The following CHRNA7 variants were observed in gnomAD, a reference collection of about 807,000 sequenced individuals.
CHRNA7 encodes neuronal acetylcholine receptor subunit alpha-7.
In CHRNA7, 17 loss-of-function variants were observed where a neutral mutation model predicts 48.0. That is an observed-to-expected ratio of 0.35 (90% CI 0.24 to 0.53). The LOEUF is 0.53. Among genes scored for constraint, CHRNA7 ranks in the 20% least tolerant of loss-of-function variants. The probability of loss-of-function intolerance (pLI) is 0.92; values close to 1 mark genes in which losing one functional copy is unlikely to be tolerated. For synonymous variants in CHRNA7, 75 were observed against 242.3 expected (o/e 0.31, Z 6.41); for missense variants, 155 against 577.7 (o/e 0.27, Z 7.50).
chr15:32,052,759 AAGTT>A (rs1392562505), intron 2 of CHRNA7, among the ~76,000 whole-genome samples: 7 of 152,172 alleles, frequency 4.6e-5, no homozygotes, highest in African/African-American at 1.2e-4. Context: ...TTAAATAAAA[AAGTT>A]AGATGAAAGA....
intron 4 of CHRNA7, among the ~76,000 whole-genome samples, chr15:32,122,207 T>A (rs998345410): frequency 6.6e-6 from 1 of 152,184 alleles, no homozygotes; most frequent in Non-Finnish European, 1.5e-5. Context: ...CACTACCCTG[T>A]TCCAGGAGGG....
chr15:32,129,352 G>T (rs1441530934), intron 4 of CHRNA7, among the ~76,000 whole-genome samples: 1 of 151,810 alleles, frequency 6.6e-6, no homozygotes, highest in African/African-American at 2.4e-5. Context: ...TTAAATGTTT[G>T]TTAAAATTCC....
chr15:32,148,828 A>G (rs1361828554), intron 4 of CHRNA7, among the ~76,000 whole-genome samples: 1 of 152,204 alleles, frequency 6.6e-6, no homozygotes, highest in African/African-American at 2.4e-5. Flanking sequence ...GTTCTGGCTT[A>G]TCTCCAAGTG....
At chr15:32,111,959 G>T (rs1424778171) in intron 4 of CHRNA7, 60 bp downstream of exon 4, 2 of 989,346 alleles carry the variant, frequency 2.0e-6, no homozygotes, top group Non-Finnish European at 3.3e-6. Flanking sequence ...TAGCTATCAC[G>T]TATATTTGAA....
At chr15:32,095,932 C>G (rs1361465595) in intron 2 of CHRNA7, among the ~76,000 whole-genome samples, 2 of 152,224 alleles carry the variant, frequency 1.3e-5, no homozygotes, top group East Asian at 1.9e-4. Context: ...ACCCCCTAAC[C>G]TCTTAAACAG....
At chr15:32,062,005 T>C (rs2049887015) in intron 2 of CHRNA7, among the ~76,000 whole-genome samples, 1 of 152,254 alleles carries the variant, frequency 6.6e-6, no homozygotes, top group Non-Finnish European at 1.5e-5. Context: ...TTTGGTAATA[T>C]AACTCTTGCC....
intron 5 of CHRNA7, chr15:32,156,522 G>A (rs1466123297): frequency 2.4e-5 from 1 of 41,354 alleles, no homozygotes; most frequent in African/African-American, 9.6e-5. Context: ...CCTGGACACC[G>A]AGTCTGTGCC....
At chr15:32,101,639 T>G (rs766885085) in intron 3 of CHRNA7, 1 of 330,894 alleles carries the variant, frequency 3.0e-6, no homozygotes, top group Non-Finnish European at 5.4e-6. Context: ...CAGGGCTGTG[T>G]GTAGATGTCC....
At chr15:32,136,877 A>C (rs1433021333) in intron 4 of CHRNA7, among the ~76,000 whole-genome samples, 3 of 138,748 alleles carry the variant, frequency 2.2e-5, no homozygotes, top group South Asian at 2.3e-4. Context: ...TAAAAATACA[A>C]AAAAATTAGC....
intron 3 of CHRNA7, among the ~76,000 whole-genome samples, chr15:32,108,217 A>G (rs184354500): frequency 2.0e-5 from 3 of 152,188 alleles, no homozygotes; most frequent in African/African-American, 7.2e-5. Flanking sequence ...GGATTCCCCC[A>G]GTGCCTTTTA....
chr15:32,112,039 G>A (rs977261838), intron 4 of CHRNA7, 140 bp downstream of exon 4: 75 of 672,602 alleles, frequency 1.1e-4, no homozygotes, highest in Admixed American at 1.8e-4. Flanking sequence ...CTTTCCGAGC[G>A]GCCAGGCCTT....
chr15:32,100,697 C>T (rs2050555326), intron 2 of CHRNA7: 1 of 154,482 alleles, frequency 6.5e-6, no homozygotes, highest in Non-Finnish European at 1.5e-5. Flanking sequence ...TAGTTTATCA[C>T]CTGGGTAGGC....
rs527807629 is a variant in CHRNA7, at chr15:32,065,770, TG to T, written c.195+34738del. 1.4e-4 allele frequency among the ~76,000 whole-genome samples: 22 copies of T among 152,070 alleles called. No individual in the cohort carries two copies. In the East Asian group the frequency reaches 4.3e-3, roughly 29 times the overall value. On this transcript the variant is annotated intron_variant, in intron 2 of 9. Coordinates refer to ENST00000306901, the MANE Select transcript of CHRNA7 (RefSeq NM_000746.6). The stretch of plus-strand genomic sequence containing the variant: ...ACACAACACAGCCCACTGCAAACAC[TG>T]GGGGCAGAGCTGTCAGCTGCCTGGC...
intron 2 of CHRNA7, among the ~76,000 whole-genome samples, chr15:32,092,227 A>G (rs2050395589): frequency 1.3e-5 from 2 of 152,116 alleles, no homozygotes; most frequent in Admixed American, 6.5e-5. Context: ...TTTCTCATCT[A>G]ACTACGTAAT....
At chr15:32,087,300 G>C (rs866429291) in intron 2 of CHRNA7, among the ~76,000 whole-genome samples, 1 of 151,990 alleles carries the variant, frequency 6.6e-6, no homozygotes. Context: ...TATCCCTCTG[G>C]CTTAACAGCA....
At chr15:32,162,437 G>T (rs1281433835) in intron 8 of CHRNA7, 1 of 139,120 alleles carries the variant, frequency 7.2e-6, no homozygotes, top group South Asian at 2.5e-4. Flanking sequence ...GAGATTCAAA[G>T]GTTTTAGGAG....
intron 2 of CHRNA7, among the ~76,000 whole-genome samples, chr15:32,077,104 CTCCATGTCTTTTTATGGCTTGATAGCTCT>C: frequency 6.6e-6 from 1 of 151,972 alleles, no homozygotes; most frequent in East Asian, 1.9e-4. Flanking sequence ...TTTAAAGTTC[CTCCATGTCTTTTTATGGCTTGATAGCTCT>C]TTTTTTTTTT....
intron 2 of CHRNA7, among the ~76,000 whole-genome samples, chr15:32,052,493 G>T (rs1305638753): frequency 6.6e-6 from 1 of 152,168 alleles, no homozygotes; most frequent in Non-Finnish European, 1.5e-5. Flanking sequence ...CAGTTTGGGA[G>T]GCCAAAGAGG....
chr15:32,052,073 A>G (rs941344517), intron 2 of CHRNA7, among the ~76,000 whole-genome samples: 1 of 152,160 alleles, frequency 6.6e-6, no homozygotes, highest in African/African-American at 2.4e-5. Flanking sequence ...TTATTAAATA[A>G]TCACCACAGG....
Sources: gnomAD v4.1 joint callset for allele counts (sites outside exome capture counted in the v4.1 genomes callset) on GRCh38, gnomAD v4.1.1 for gene constraint, MANE v1.5 for transcripts, NCBI Gene and HGNC (gene_info 2026-07-23, HGNC 2026-07-21) for gene names.